The following NTRK2 variants were observed in gnomAD, a reference collection of about 807,000 sequenced individuals.
NTRK2 encodes BDNF/NT-3 growth factors receptor.
In NTRK2, 13 loss-of-function variants were observed where a neutral mutation model predicts 94.5. The ratio of observed to expected loss-of-function variants is 0.14; its 90% confidence interval spans 0.09 to 0.22. The LOEUF is 0.22. NTRK2 is among the 10% of genes least tolerant of loss of function. The probability of loss-of-function intolerance (pLI) is 1.00; values close to 1 mark genes in which losing one functional copy is unlikely to be tolerated. For missense variants in NTRK2, 639 were observed against 1,071.2 expected (o/e 0.60, Z 5.63); for synonymous variants, 372 against 407.4 (o/e 0.91, Z 1.05).
At chr9:84,754,924 A>G (rs150328655) in intron 12 of NTRK2, among the ~76,000 whole-genome samples, 31 of 152,304 alleles carry the variant, frequency 2.0e-4, no homozygotes, top group African/African-American at 7.2e-4. Flanking sequence ...GGAAAACTCG[A>G]GAATATAAAT....
intron 12 of NTRK2, among the ~76,000 whole-genome samples, chr9:84,798,912 C>CCATATATATATATA (rs376082856): frequency 1.6e-4 from 21 of 128,040 alleles, no homozygotes; most frequent in African/African-American, 6.5e-4. Flanking sequence ...CTTCTAAGTG[C>CCATATATATATATA]TATATATATA....
chr9:84,957,292 A>G (rs1240712530), intron 17 of NTRK2, among the ~76,000 whole-genome samples: 8 of 152,212 alleles, frequency 5.3e-5, no homozygotes, highest in Admixed American at 2.6e-4. Flanking sequence ...TATTACCCAA[A>G]TCAATAGACA....
intron 14 of NTRK2, among the ~76,000 whole-genome samples, chr9:84,907,980 T>G (rs2077125687): frequency 6.6e-6 from 1 of 152,212 alleles, no homozygotes; most frequent in Non-Finnish European, 1.5e-5. Context: ...AAACCTTTAC[T>G]GCTCAGGGAA....
intron 2 of NTRK2, among the ~76,000 whole-genome samples, chr9:84,673,283 C>G (rs951686551): frequency 6.6e-6 from 1 of 152,150 alleles, no homozygotes; most frequent in Admixed American, 6.5e-5. Context: ...CACTCGCATC[C>G]TTATATGACA....
chr9:84,982,246 A>C (rs1020647736), intron 17 of NTRK2, among the ~76,000 whole-genome samples: 5 of 152,212 alleles, frequency 3.3e-5, no homozygotes, highest in Admixed American at 6.5e-5. Flanking sequence ...ACAAGGGTAC[A>C]TGTCAGGCTA....
intron 17 of NTRK2, among the ~76,000 whole-genome samples, chr9:85,011,620 C>A (rs557807297): frequency 6.6e-6 from 1 of 152,186 alleles, no homozygotes; most frequent in Admixed American, 6.5e-5. Flanking sequence ...GGAAGAGAAC[C>A]CTCTCCAGAA....
rs570420946 is a variant in NTRK2 at position 84,788,733 on chromosome 9, G to A, written c.1396+36648G>A. Among the ~76,000 whole-genome samples, 39 of 152,216 alleles carry A rather than the reference G, an allele frequency of 2.6e-4. 1 individual carries two copies. In the South Asian group the frequency reaches 6.8e-3, roughly 27 times the overall value. On this transcript the variant is annotated intron_variant, in intron 12 of 18. Transcript: ENST00000277120. ...AATGGCAGAGTGGGTGGGGGAATTC[G>A]AGAGGTGGCCTGGGATGGGCCTAAA...
At chr9:84,832,462 C>T (rs2073610891) in intron 12 of NTRK2, among the ~76,000 whole-genome samples, 2 of 152,152 alleles carry the variant, frequency 1.3e-5, no homozygotes, top group Admixed American at 6.5e-5. Context: ...GGGAAGCTGA[C>T]ATTTCTGCTG....
At chr9:84,743,020 C>T (rs1267189622) in intron 10 of NTRK2, among the ~76,000 whole-genome samples, 4 of 152,112 alleles carry the variant, frequency 2.6e-5, no homozygotes, top group South Asian at 2.1e-4. Flanking sequence ...AGGCTGGTCT[C>T]GAACTCCTGA....
At chr9:84,907,149 C>G (rs1283659010) in intron 14 of NTRK2, among the ~76,000 whole-genome samples, 1 of 152,088 alleles carries the variant, frequency 6.6e-6, no homozygotes, top group Non-Finnish European at 1.5e-5. Context: ...GAATCACTGA[C>G]CACTAATATT....
At chr9:84,972,348 G>A (rs147795993) in intron 17 of NTRK2, among the ~76,000 whole-genome samples, 165 of 152,322 alleles carry the variant, frequency 1.1e-3, no homozygotes, top group African/African-American at 3.0e-3. Flanking sequence ...CTGGAGGGAA[G>A]TGTCCAAGTG....
rs146514014 is a variant in NTRK2, at chr9:84,939,396, C to T, written c.1764+5104C>T. 9.3e-3 allele frequency among the ~76,000 whole-genome samples: 1,420 copies of T among 152,288 alleles called. 16 individuals are homozygous for T. Among genetic ancestry groups the T allele is most frequent in the Admixed American group, 0.035 (531 of 15,290 alleles). ...GTCAATGTCAGACCTAGGACTTAAA[C>T]ACAGTCCAGTGCTCATTGGGTACCA... On this transcript the variant is annotated intron_variant, in intron 15 of 18. Transcript: ENST00000277120.
chr9:84,705,028 G>C (rs1237004846), intron 4 of NTRK2, among the ~76,000 whole-genome samples: 3 of 152,086 alleles, frequency 2.0e-5, no homozygotes, highest in African/African-American at 7.2e-5. Context: ...TGGGGTGCAA[G>C]GGAGCTGATA....
intron 12 of NTRK2, among the ~76,000 whole-genome samples, chr9:84,776,134 T>C (rs528456882): frequency 1.3e-5 from 2 of 149,950 alleles, no homozygotes; most frequent in African/African-American, 2.5e-5. Context: ...TCCAACTAGA[T>C]GGATAGATAG....
At chr9:84,996,957 T>C (rs1302090899) in intron 17 of NTRK2, among the ~76,000 whole-genome samples, 1 of 152,212 alleles carries the variant, frequency 6.6e-6, no homozygotes, top group Non-Finnish European at 1.5e-5. Flanking sequence ...GTATGTGCAC[T>C]GTGGCTGTTT....
Position 84,888,996 on chromosome 9 carries a change from T to TAAGTAAGACTCAAAAATAC in NTRK2, c.1633+21565_1633+21566insAAGTAAGACTCAAAAATAC, listed in dbSNP as rs2076511343. On this transcript the variant is annotated intron_variant, in intron 14 of 18. Coordinates refer to ENST00000277120, the MANE Select transcript of NTRK2 (RefSeq NM_006180.6). ...TAATGACAGAAATTTTTTTTTTTTTTTTTTTTTTTTTTGAGACGGAGTCTC... is the reference window on the plus strand; with the variant it reads ...TAATGACAGAAATTTTTTTTTTTTTTAAGTAAGACTCAAAAATACTTTTTTTTTTTTGAGACGGAGTCTC... 6.2e-4 allele frequency among the ~76,000 whole-genome samples: 77 copies of TAAGTAAGACTCAAAAATAC among 123,308 alleles called. 5 individuals carry two copies. Among genetic ancestry groups the TAAGTAAGACTCAAAAATAC allele is most frequent in the Admixed American group, 5.5e-3 (65 of 11,888 alleles). 80.9% of individuals were successfully genotyped at this position (123,308 alleles called of 152,430 possible). A position where few individuals can be genotyped will look rare whatever the true frequency, so the allele number is the denominator to read the frequency against.
intron 2 of NTRK2, among the ~76,000 whole-genome samples, chr9:84,692,089 GT>G (rs2060081773): frequency 6.6e-6 from 1 of 152,118 alleles, no homozygotes; most frequent in Admixed American, 6.5e-5. Context: ...ACTCTTCATG[GT>G]TTAATATGGT....
intron 9 of NTRK2, 84 bp downstream of exon 9, chr9:84,728,043 TC>T: frequency 7.9e-7 from 1 of 1,265,904 alleles, no homozygotes; most frequent in Non-Finnish European, 1.1e-6. Flanking sequence ...CAATAAGCCA[TC>T]CCCCAACCTA....
intron 12 of NTRK2, among the ~76,000 whole-genome samples, chr9:84,842,007 C>G (rs73651128): frequency 0.012 from 1,890 of 152,292 alleles, 39 homozygotes; most frequent in African/African-American, 0.044. Flanking sequence ...TATGTTCAAT[C>G]CCATAGACAA....
Sources: gnomAD v4.1 joint callset for allele counts (sites outside exome capture counted in the v4.1 genomes callset) on GRCh38, gnomAD v4.1.1 for gene constraint, MANE v1.5 for transcripts, NCBI Gene and HGNC (gene_info 2026-07-23, HGNC 2026-07-21) for gene names.